Variants in TAS2R1 observed in about 807,000 individuals in gnomAD.
The protein encoded by TAS2R1 is taste receptor type 2 member 1.
For synonymous variants in TAS2R1, 141 were observed against 134.2 expected, an observed-to-expected ratio of 1.05 and a Z score of -0.35; for missense variants, 370 against 353.4, an observed-to-expected ratio of 1.05 and a Z score of -0.38.
chr5:9,727,503 G>A, the TAS2R1 span, among the ~76,000 whole-genome samples: 2 of 152,180 alleles, frequency 1.3e-5, no homozygotes, highest in African/African-American at 2.4e-5. Flanking sequence ...AGATTCAGAA[G>A]TCTAGATCCC....
At chr5:9,862,260 G>A in the TAS2R1 span, among the ~76,000 whole-genome samples, 4 of 152,062 alleles carry the variant, frequency 2.6e-5, no homozygotes, top group East Asian at 5.8e-4. Flanking sequence ...CAGTGCATTC[G>A]TTTTCAGTTA....
the TAS2R1 span, among the ~76,000 whole-genome samples, chr5:9,834,631 A>T: frequency 3.9e-5 from 6 of 152,122 alleles, no homozygotes; most frequent in Non-Finnish European, 8.8e-5. Flanking sequence ...TCATCTTCAG[A>T]CGTTCCCCAG....
intron 1 of TAS2R1, chr5:9,712,085 C>T (rs1734693863): frequency 6.6e-6 from 1 of 151,092 alleles, no homozygotes; most frequent in Admixed American, 6.6e-5. Flanking sequence ...TAACATCTTT[C>T]TTTGTTAGAG....
At chr5:9,813,033 T>C in the TAS2R1 span, among the ~76,000 whole-genome samples, 4 of 152,230 alleles carry the variant, frequency 2.6e-5, no homozygotes, top group African/African-American at 9.6e-5. Flanking sequence ...TGTTGAGGAA[T>C]GTGAACTTAT....
the TAS2R1 span, among the ~76,000 whole-genome samples, chr5:9,741,960 A>G: frequency 4.6e-5 from 7 of 152,140 alleles, no homozygotes; most frequent in African/African-American, 9.7e-5. Flanking sequence ...CAATGGCACA[A>G]TCTCGGCTCA....
chr5:9,680,299 C>T (rs971288632), intron 1 of TAS2R1, among the ~76,000 whole-genome samples: 21 of 152,082 alleles, frequency 1.4e-4, no homozygotes, highest in Non-Finnish European at 5.9e-5. Flanking sequence ...GACAGTCTTA[C>T]GGGTGGAAGA....
chr5:9,790,010 T>C, the TAS2R1 span, among the ~76,000 whole-genome samples: 7 of 152,318 alleles, frequency 4.6e-5, no homozygotes, highest in African/African-American at 1.7e-4. Flanking sequence ...AGAAGAAACA[T>C]ATATCACTCT....
the TAS2R1 span, among the ~76,000 whole-genome samples, chr5:9,860,289 G>C: frequency 2.6e-5 from 4 of 152,084 alleles, no homozygotes; most frequent in Non-Finnish European, 4.4e-5. Context: ...TGACACCAGC[G>C]CATCACAATA....
chr5:9,645,226 T>C lies in TAS2R1; in HGVS notation c.-81+14195A>G, dbSNP rs930496267. On this transcript the variant is annotated intron_variant, in intron 2 of 2. Transcript: ENST00000506620. Reference sequence around the variant, plus strand: ...AAAGGCATAACATCAATTTGTCCTCTTGACAATTTTATGAAATCAGTATTC... The same window carrying C: ...AAAGGCATAACATCAATTTGTCCTCCTGACAATTTTATGAAATCAGTATTC... 1.1e-4 allele frequency among the ~76,000 whole-genome samples: 17 copies of C among 152,178 alleles called. 1 individual carries two copies. The highest frequency in any genetic ancestry group is 4.1e-4 in the African/African-American group (17 of 41,444).
chr5:9,858,281 G>A, the TAS2R1 span, among the ~76,000 whole-genome samples: 1 of 152,154 alleles, frequency 6.6e-6, no homozygotes. Context: ...GACCGGCCTG[G>A]AGTCTTAGGT....
the TAS2R1 span, among the ~76,000 whole-genome samples, chr5:9,868,331 G>A: frequency 6.6e-6 from 1 of 152,230 alleles, no homozygotes; most frequent in Non-Finnish European, 1.5e-5. Context: ...TACATCCTCT[G>A]AAATCTAGGT....
the TAS2R1 span, among the ~76,000 whole-genome samples, chr5:9,857,265 T>C: frequency 6.6e-6 from 1 of 152,168 alleles, no homozygotes; most frequent in Admixed American, 6.5e-5. Context: ...ACAATAATAT[T>C]GTATATTTCA....
At chr5:9,876,060 C>T in the TAS2R1 span, among the ~76,000 whole-genome samples, 1 of 152,042 alleles carries the variant, frequency 6.6e-6, no homozygotes, top group Admixed American at 6.5e-5. Flanking sequence ...TGCCCCACCT[C>T]CAGAGTGGTG....
At chr5:9,844,922 G>C in the TAS2R1 span, among the ~76,000 whole-genome samples, 7 of 152,106 alleles carry the variant, frequency 4.6e-5, no homozygotes, top group Non-Finnish European at 8.8e-5. Flanking sequence ...GTCTTCAATA[G>C]TGTCAATTGT....
At chr5:9,848,253 G>A in the TAS2R1 span, among the ~76,000 whole-genome samples, 1 of 152,126 alleles carries the variant, frequency 6.6e-6, no homozygotes, top group Non-Finnish European at 1.5e-5. Context: ...TCTCAGCAAC[G>A]CTTCTTTCTT....
the TAS2R1 span, among the ~76,000 whole-genome samples, chr5:9,876,540 G>A: frequency 3.9e-5 from 6 of 152,266 alleles, no homozygotes; most frequent in South Asian, 6.2e-4. Context: ...TGTCATACCC[G>A]AGAAGCACAG....
chr5:9,656,684 C>T (rs1740423212), intron 2 of TAS2R1, among the ~76,000 whole-genome samples: 1 of 152,184 alleles, frequency 6.6e-6, no homozygotes, highest in African/African-American at 2.4e-5. Context: ...CAGACACATC[C>T]AGAAATAATG....
chr5:9,718,040 A>G, the TAS2R1 span, among the ~76,000 whole-genome samples: 1 of 151,808 alleles, frequency 6.6e-6, no homozygotes, highest in Non-Finnish European at 1.5e-5. Context: ...GCTCACTGCA[A>G]CCTCTGCCTC....
chr5:9,677,103 T>C (rs1435834761), intron 1 of TAS2R1, among the ~76,000 whole-genome samples: 2 of 152,168 alleles, frequency 1.3e-5, no homozygotes, highest in East Asian at 1.9e-4. Flanking sequence ...ATGTACTTTG[T>C]GGGAACACGG....
Sources: allele counts gnomAD v4.1 joint callset (sites outside exome capture counted in the v4.1 genomes callset), GRCh38; gene constraint gnomAD v4.1.1; transcripts MANE v1.5; gene names NCBI Gene and HGNC (gene_info 2026-07-23, HGNC 2026-07-21).